TERF2: variants seen among roughly 807,000 people sequenced by gnomAD.
TERF2 encodes telomeric repeat-binding factor 2.
In TERF2, 16 loss-of-function variants were observed where a neutral mutation model predicts 56.1. The observed-to-expected ratio is 0.29, with a 90% CI of 0.19 to 0.43. The LOEUF (loss-of-function observed/expected upper bound fraction) is 0.43. TERF2 is among the 20% of genes least tolerant of loss of function. The pLI is 1.00. For missense variants in TERF2, 547 were observed against 712.9 expected (o/e 0.77, Z 2.65); for synonymous variants, 296 against 282.1 (o/e 1.05, Z -0.50).
chr16:69,369,762 T>C (rs532267344), intron 5 of TERF2, among the ~76,000 whole-genome samples: 2 of 152,358 alleles, frequency 1.3e-5, no homozygotes, highest in East Asian at 3.9e-4. Context: ...TGTTTTCATT[T>C]GGCTTCTTTC....
At position 69,356,862 on chromosome 16, in the gene TERF2, A is replaced by G. The variant is rs1333795838; in HGVS notation, c.*36T>C. On this transcript the variant is annotated 3_prime_UTR_variant, in exon 10 of 10. Transcript: ENST00000254942. Reference sequence around the variant, plus strand: ...CTATCAGGGGCTATTATTAGGAACCATGCTCCTGTGAATTCTGTGGAAATG... The same window carrying G: ...CTATCAGGGGCTATTATTAGGAACCGTGCTCCTGTGAATTCTGTGGAAATG... The G allele has an allele frequency of 6.3e-7, 1 of 1,582,836 alleles. No individual in the cohort carries two copies. Among genetic ancestry groups the G allele is most frequent in the African/African-American group, 1.4e-5 (1 of 73,326 alleles).
intron 4 of TERF2, among the ~76,000 whole-genome samples, chr16:69,371,561 T>C (rs2013577385): frequency 6.8e-6 from 1 of 147,028 alleles, no homozygotes. Flanking sequence ...ATTCACGTAA[T>C]CCCAGCACTT....
chr16:69,377,908 T>A (rs1044730736), intron 3 of TERF2, among the ~76,000 whole-genome samples: 3 of 152,188 alleles, frequency 2.0e-5, no homozygotes, highest in African/African-American at 7.2e-5. Context: ...GAAGTAATTT[T>A]ATTATTTCCT....
intron 5 of TERF2, among the ~76,000 whole-genome samples, chr16:69,369,661 C>G (rs572222595): frequency 1.3e-5 from 2 of 152,326 alleles, no homozygotes; most frequent in South Asian, 4.1e-4. Context: ...ACCACAGTCT[C>G]CCATCTATGA....
At chr16:69,374,627 T>TAAAAAAA (rs538138365) in intron 3 of TERF2, among the ~76,000 whole-genome samples, 1 of 41,926 alleles carries the variant, frequency 2.4e-5, no homozygotes, top group African/African-American at 1.0e-4. Flanking sequence ...TCTCTCTCTT[T>TAAAAAAA]AAAAAAAAAA....
At chr16:69,377,263 G>A (rs896359606) in intron 3 of TERF2, among the ~76,000 whole-genome samples, 3 of 151,852 alleles carry the variant, frequency 2.0e-5, no homozygotes, top group Admixed American at 6.5e-5. Flanking sequence ...TAACTCTATA[G>A]ATCAACGGGA....
chr16:69,376,246 C>CA (rs2142753633), intron 3 of TERF2, among the ~76,000 whole-genome samples: 1 of 152,252 alleles, frequency 6.6e-6, no homozygotes. Flanking sequence ...AGCTTATGGT[C>CA]AAAGTTCATT....
intron 3 of TERF2, among the ~76,000 whole-genome samples, chr16:69,381,647 AT>A (rs1414769158): frequency 2.6e-5 from 4 of 151,676 alleles, no homozygotes; most frequent in Non-Finnish European, 5.9e-5. Context: ...CACCCAGCTA[AT>A]TTTTTGTATT....
At chr16:69,377,481 C>T (rs1459277180) in intron 3 of TERF2, among the ~76,000 whole-genome samples, 1 of 152,050 alleles carries the variant, frequency 6.6e-6, no homozygotes, top group Non-Finnish European at 1.5e-5. Flanking sequence ...GCGCATGCCA[C>T]CATGCCCAGC....
intron 8 of TERF2, among the ~76,000 whole-genome samples, chr16:69,360,705 C>CAAAAAAAAA: frequency 1.5e-5 from 1 of 65,470 alleles, no homozygotes; most frequent in Non-Finnish European, 2.9e-5. Context: ...GACCCTGTCT[C>CAAAAAAAAA]AAAAAAAAAA....
chr16:69,379,889 C>A (rs1341019813), intron 3 of TERF2, among the ~76,000 whole-genome samples: 5 of 151,910 alleles, frequency 3.3e-5, no homozygotes, highest in East Asian at 3.9e-4. Flanking sequence ...TGTATTTAAT[C>A]TGTTGTGATG....
chr16:69,380,059 T>C (rs993126049), intron 3 of TERF2, among the ~76,000 whole-genome samples: 1 of 151,792 alleles, frequency 6.6e-6, no homozygotes, highest in Non-Finnish European at 1.5e-5. Context: ...GATTACAGGC[T>C]CGGGCCACAC....
intron 3 of TERF2, among the ~76,000 whole-genome samples, chr16:69,376,322 T>C (rs2013776331): frequency 6.6e-6 from 1 of 152,216 alleles, no homozygotes; most frequent in Admixed American, 6.5e-5. Flanking sequence ...TCCCATTGAA[T>C]AGCCTTCACA....
At chr16:69,374,151 A>T (rs1440886392) in intron 3 of TERF2, among the ~76,000 whole-genome samples, 1 of 152,246 alleles carries the variant, frequency 6.6e-6, no homozygotes, top group Non-Finnish European at 1.5e-5. Context: ...ACTTTCTTGA[A>T]TACAAAGTTT....
At chr16:69,372,717 G>C (rs535612744) in intron 3 of TERF2, among the ~76,000 whole-genome samples, 1 of 152,034 alleles carries the variant, frequency 6.6e-6, no homozygotes, top group Admixed American at 6.6e-5. Context: ...AGCCGAGATC[G>C]CGCCACTGCA....
intron 7 of TERF2, 92 bp downstream of exon 7, chr16:69,366,715 T>A: frequency 6.8e-7 from 1 of 1,467,848 alleles, no homozygotes; most frequent in South Asian, 1.4e-5. Context: ...GTGAGTAACT[T>A]AGCTGAAAGT....
intron 3 of TERF2, among the ~76,000 whole-genome samples, chr16:69,381,831 C>T (rs1276972579): frequency 3.3e-5 from 5 of 152,152 alleles, no homozygotes; most frequent in African/African-American, 1.2e-4. Context: ...TTACTCAAGG[C>T]TCTAGAGTTA....
chr16:69,368,193 C>T (rs1438066283), intron 6 of TERF2, among the ~76,000 whole-genome samples, 183 bp downstream of exon 6: 1 of 152,146 alleles, frequency 6.6e-6, no homozygotes, highest in African/African-American at 2.4e-5. Context: ...GTCAGGGACC[C>T]CAGGCATCCT....
At chr16:69,370,250 CG>C (rs1413917643) in intron 5 of TERF2, 1 of 504,780 alleles carries the variant, frequency 2.0e-6, no homozygotes, top group East Asian at 3.1e-5. Flanking sequence ...AGGCAGGTCT[CG>C]AACTCCTGAC....
Sources: allele counts gnomAD v4.1 joint callset (sites outside exome capture counted in the v4.1 genomes callset), GRCh38; gene constraint gnomAD v4.1.1; transcripts MANE v1.5; gene names NCBI Gene and HGNC (gene_info 2026-07-23, HGNC 2026-07-21).